MACROD1: variants seen among roughly 807,000 people sequenced by gnomAD.
MACROD1 encodes the protein mono-ADP ribosylhydrolase 1.
A neutral mutation model predicts 41.4 loss-of-function variants in MACROD1; 31 were observed. The observed-to-expected ratio is 0.75, with a 90% CI of 0.56 to 1.01. The LOEUF is 1.01. MACROD1 is among the 50% of genes least tolerant of loss of function. The pLI is 0.00. For missense variants in MACROD1, 473 were observed against 460.0 expected (o/e 1.03, Z -0.26); for synonymous variants, 252 against 203.4 (o/e 1.24, Z -2.03).
intron 8 of MACROD1, 83 bp downstream of exon 8, chr11:63,999,248 C>T (rs150398943): frequency 0.039 from 58,640 of 1,497,430 alleles, 1,406 homozygotes; most frequent in Non-Finnish European, 0.046. Flanking sequence ...CTGCGCTCTG[C>T]ACCCTGACTC....
rs1364151513 is a variant in MACROD1, at chr11:64,090,884, G to A, written c.517+60355C>T. Among the ~76,000 whole-genome samples, 1 of 152,076 alleles carries A rather than the reference G, an allele frequency of 6.6e-6. No individual in the cohort carries two copies. Among genetic ancestry groups the A allele is most frequent in the African/African-American group, 2.4e-5 (1 of 41,408 alleles). On this transcript the variant is annotated intron_variant, in intron 3 of 10. Coordinates refer to ENST00000255681, the MANE Select transcript of MACROD1 (RefSeq NM_014067.4). This position sits in a 1 kb window ranked among gnomAD's most constrained non-coding sequence, Gnocchi z 4.7. ...CCCTGAGGGACGAAGTAAAGCAGGAGAGGGCAGGGGGAGGGACAGCCAGGG... is the reference window on the plus strand; with the variant it reads ...CCCTGAGGGACGAAGTAAAGCAGGAAAGGGCAGGGGGAGGGACAGCCAGGG...
chr11:64,154,241 C>T (rs911750022), intron 1 of MACROD1, among the ~76,000 whole-genome samples: 4 of 152,138 alleles, frequency 2.6e-5, no homozygotes, highest in African/African-American at 4.8e-5. Flanking sequence ...AAAGCCCAGG[C>T]ATGCAAAACA....
At chr11:64,093,043 T>C (rs539120558) in intron 3 of MACROD1, among the ~76,000 whole-genome samples, 2 of 151,078 alleles carry the variant, frequency 1.3e-5, no homozygotes, top group East Asian at 3.9e-4. Context: ...GGACCCGGAG[T>C]GGAGAGAGGA....
chr11:64,097,153 G>GGAACCCTC (rs1178753775), intron 3 of MACROD1, among the ~76,000 whole-genome samples: 1 of 152,220 alleles, frequency 6.6e-6, no homozygotes, highest in African/African-American at 2.4e-5. Flanking sequence ...CTTCAGCTAG[G>GGAACCCTC]GAACCCTCCC....
At chr11:64,151,483 T>G (rs1409016996) in intron 2 of MACROD1, 128 bp from the exon 3 acceptor site, 1 of 671,622 alleles carries the variant, frequency 1.5e-6, no homozygotes, top group African/African-American at 1.8e-5. Flanking sequence ...TGCAGCACGA[T>G]GACTGCTGAC....
chr11:64,011,091 TGTTG>T (rs1195860044), intron 4 of MACROD1, among the ~76,000 whole-genome samples: 105 of 127,650 alleles, frequency 8.2e-4, no homozygotes, highest in African/African-American at 3.2e-3. Flanking sequence ...TTGGCTGGGG[TGTTG>T]GTTGGCATGT....
At chr11:64,145,497 C>T (rs759314677) in intron 3 of MACROD1, among the ~76,000 whole-genome samples, 1 of 152,120 alleles carries the variant, frequency 6.6e-6, no homozygotes, top group Non-Finnish European at 1.5e-5. Flanking sequence ...CTCCTGTCCT[C>T]CTCACCCCTG....
intron 3 of MACROD1, among the ~76,000 whole-genome samples, chr11:64,138,807 G>A (rs1436671582): frequency 2.6e-5 from 4 of 151,396 alleles, no homozygotes; most frequent in African/African-American, 7.3e-5. Context: ...TTGCTCTGTC[G>A]CCCAGGCTGG....
intron 3 of MACROD1, among the ~76,000 whole-genome samples, chr11:64,144,456 G>C (rs1945462670): frequency 6.6e-6 from 1 of 152,178 alleles, no homozygotes; most frequent in Non-Finnish European, 1.5e-5. Context: ...TCGAATTCTG[G>C]CTCAGTCACC....
chr11:64,023,419 GATGATA>G (rs539505312), intron 3 of MACROD1, among the ~76,000 whole-genome samples: 3 of 152,242 alleles, frequency 2.0e-5, no homozygotes, highest in African/African-American at 7.2e-5. Context: ...GTGAGGCATA[GATGATA>G]AAGTTAAAAA....
At chr11:64,049,857 C>T (rs566213237) in intron 3 of MACROD1, among the ~76,000 whole-genome samples, 1 of 152,324 alleles carries the variant, frequency 6.6e-6, no homozygotes, top group East Asian at 1.9e-4. Flanking sequence ...AGCTGTGATC[C>T]ACCCCACCAT....
chr11:64,061,920 G>A (rs1428491904), intron 3 of MACROD1, among the ~76,000 whole-genome samples: 1 of 113,238 alleles, frequency 8.8e-6, no homozygotes, highest in African/African-American at 3.5e-5. Flanking sequence ...TTGCTATGTT[G>A]CCCAGGCTGG....
intron 3 of MACROD1, among the ~76,000 whole-genome samples, chr11:64,084,158 G>A (rs1444435638): frequency 2.6e-5 from 4 of 152,146 alleles, no homozygotes; most frequent in East Asian, 1.9e-4. Context: ...CATGGCACGC[G>A]CGCCTTCTGC....
chr11:64,001,650 G>C (rs960035802), intron 4 of MACROD1: 4 of 700,778 alleles, frequency 5.7e-6, no homozygotes, highest in Admixed American at 4.0e-5. Context: ...GGTGGGCAGA[G>C]AGGTTAGGGG....
chr11:64,059,170 A>AC (rs1052971629), intron 3 of MACROD1, among the ~76,000 whole-genome samples: 3 of 152,028 alleles, frequency 2.0e-5, no homozygotes, highest in Non-Finnish European at 4.4e-5. Flanking sequence ...CAGAGGACAG[A>AC]CTTGGGGAGC....
In MACROD1 at chr11:64,146,558, T is replaced by A. The variant is rs1344632750; in HGVS notation, c.517+4681A>T. On this transcript the variant is annotated intron_variant, in intron 3 of 10. Transcript: ENST00000255681. This position sits in a 1 kb window ranked among gnomAD's most constrained non-coding sequence, Gnocchi z 4.7. ...GGACAGGGCCCAGGGAGGCCTGCAC[T>A]GTGCCTGAGGGTGTGGGGGTTTGTT... 2.0e-5 allele frequency among the ~76,000 whole-genome samples: 3 copies of A among 152,166 alleles called. No individual in the cohort carries two copies. Among genetic ancestry groups the A allele is most frequent in the Non-Finnish European group, 4.4e-5 (3 of 68,028 alleles).
Position 64,165,724 on chromosome 11 carries a change from T to G in MACROD1, c.271A>C (p.Thr91Pro). 2 of 1,485,060 alleles carry G rather than the reference T, an allele frequency of 1.3e-6. No individual in the cohort carries two copies. The highest frequency in any genetic ancestry group is 8.9e-7 in the Non-Finnish European group (1 of 1,118,774). 92.0% of individuals were successfully genotyped at this position (1,485,060 alleles called of 1,614,324 possible). A position where few individuals can be genotyped will look rare whatever the true frequency, so the allele number is the denominator to read the frequency against. Residue 91 changes from threonine (T) to proline (P), a missense_variant, in exon 1 of 11, where the codon ACC becomes CCC. Physicochemically the swap from Thr to Pro is conservative, Grantham distance 38. Coordinates refer to ENST00000255681, the MANE Select transcript of MACROD1 (RefSeq NM_014067.4). ...TTCGCCTCCTTCCAGTCGGTGGAGG[T>G]GCTCAGGTCCACCTTCGCCGCCATG... is the stretch of plus-strand genomic sequence containing the variant. Reference protein sequence around the residue: ...LAMAAKVDLSTSTDWKEAKSF... With the variant: ...LAMAAKVDLSPSTDWKEAKSF...
intron 3 of MACROD1, among the ~76,000 whole-genome samples, chr11:64,099,515 T>C (rs1382653772): frequency 6.6e-6 from 1 of 151,492 alleles, no homozygotes; most frequent in Non-Finnish European, 1.5e-5. Context: ...GACGGATAGA[T>C]GGAGAAATGG....
rs977934221 is a variant in MACROD1, at chr11:64,067,876, C to A, written c.518-52595G>T. On this transcript the variant is annotated intron_variant, in intron 3 of 10. Coordinates refer to ENST00000255681, the MANE Select transcript of MACROD1 (RefSeq NM_014067.4). The surrounding 1 kb of genome is among the most constrained non-coding windows in gnomAD (Gnocchi z 4.6). The stretch of plus-strand genomic sequence containing the variant: ...GAGCTGAGCGGCCCACTTCCTGCTG[C>A]TGTCCATTTAGCCAGCGGTTCGCTC... Among the ~76,000 whole-genome samples, 4 of 152,186 alleles carry A rather than the reference C, an allele frequency of 2.6e-5. No individual in the cohort carries two copies. The highest frequency in any genetic ancestry group is 5.9e-5 in the Non-Finnish European group (4 of 68,030).
Sources: allele counts gnomAD v4.1 joint callset (sites outside exome capture counted in the v4.1 genomes callset), GRCh38; gene constraint gnomAD v4.1.1; non-coding constraint Gnocchi (gnomAD v3.1); transcripts MANE v1.5; gene names NCBI Gene and HGNC (gene_info 2026-07-23, HGNC 2026-07-21).